The following RAD51B variants were observed in gnomAD, a reference collection of about 807,000 sequenced individuals.
RAD51B encodes the protein DNA repair protein RAD51 homolog 2.
A neutral mutation model predicts 42.2 loss-of-function variants in RAD51B; 38 were observed. The ratio of observed to expected loss-of-function variants is 0.90; its 90% CI spans 0.70 to 1.18. The LOEUF is 1.18. RAD51B is among the 50% of genes most tolerant of loss of function. The pLI, the probability that RAD51B is intolerant of heterozygous loss-of-function variation, is 0.00. For synonymous variants in RAD51B, 154 were observed against 145.2 expected, an observed-to-expected ratio of 1.06 and a Z score of -0.43; for missense variants, 373 against 400.7, an observed-to-expected ratio of 0.93 and a Z score of 0.59.
chr14:68,280,591 G>A (rs981868530), intron 7 of RAD51B, among the ~76,000 whole-genome samples: 1 of 152,224 alleles, frequency 6.6e-6, no homozygotes, highest in Admixed American at 6.5e-5. Flanking sequence ...CTGACACATA[G>A]GAAATGCTTA....
chr14:68,155,184 G>C (rs1391199099), intron 7 of RAD51B, among the ~76,000 whole-genome samples: 1 of 151,246 alleles, frequency 6.6e-6, no homozygotes. Flanking sequence ...TCATAGTATA[G>C]TATTATATTT....
chr14:68,158,297 G>C (rs2078560375), intron 7 of RAD51B, among the ~76,000 whole-genome samples: 1 of 152,164 alleles, frequency 6.6e-6, no homozygotes, highest in Non-Finnish European at 1.5e-5. Context: ...CCATGCCTGT[G>C]GCACTATGGA....
chr14:67,862,931 A>G (rs1282373903), intron 4 of RAD51B, among the ~76,000 whole-genome samples: 3 of 152,188 alleles, frequency 2.0e-5, no homozygotes, highest in East Asian at 3.9e-4. Flanking sequence ...TAGTATGTTC[A>G]TAATAAATAT....
At chr14:68,165,769 A>G (rs1264369557) in intron 7 of RAD51B, among the ~76,000 whole-genome samples, 1 of 152,096 alleles carries the variant, frequency 6.6e-6, no homozygotes, top group Admixed American at 6.5e-5. Flanking sequence ...ATTAAAAACA[A>G]CTCTCTTTAC....
At chr14:68,333,150 G>C (rs2082382124) in intron 8 of RAD51B, among the ~76,000 whole-genome samples, 1 of 152,120 alleles carries the variant, frequency 6.6e-6, no homozygotes, top group South Asian at 2.1e-4. Context: ...GTGTCCCCTT[G>C]ACCCAGTTGG....
chr14:68,310,420 G>A lies in RAD51B; in HGVS notation c.853+18440G>A, dbSNP rs1195032580. Among the ~76,000 whole-genome samples, 3 of 152,270 alleles carry A rather than the reference G, an allele frequency of 2.0e-5. No individual in the cohort carries two copies. The East Asian group carries it at 5.8e-4, about 29-fold the overall frequency. ...GTGCTTGTGTTTTTTACAAAACCATGAAGCCTGTAAACCACACGGTAGATA... is the reference window on the plus strand; with the variant it reads ...GTGCTTGTGTTTTTTACAAAACCATAAAGCCTGTAAACCACACGGTAGATA... On this transcript the variant is annotated intron_variant, in intron 8 of 10. Coordinates refer to ENST00000471583, the MANE Select transcript of RAD51B (RefSeq NM_133510.4).
At chr14:67,954,395 T>A (rs940278090) in intron 7 of RAD51B, among the ~76,000 whole-genome samples, 3 of 152,186 alleles carry the variant, frequency 2.0e-5, no homozygotes, top group Non-Finnish European at 4.4e-5. Flanking sequence ...TAGGTTTGGA[T>A]GCTGACTCTC....
chr14:68,364,376 A>G (rs2083096539), intron 8 of RAD51B, among the ~76,000 whole-genome samples: 1 of 152,160 alleles, frequency 6.6e-6, no homozygotes, highest in Admixed American at 6.5e-5. Flanking sequence ...GGATATCTAG[A>G]AAGACGCTTT....
At chr14:67,864,255 T>A (rs1426322821) in intron 4 of RAD51B, among the ~76,000 whole-genome samples, 1 of 152,210 alleles carries the variant, frequency 6.6e-6, no homozygotes, top group Non-Finnish European at 1.5e-5. Flanking sequence ...CACTTGAATA[T>A]GGATATAATT....
At chr14:68,274,281 A>G (rs1215703207) in intron 7 of RAD51B, among the ~76,000 whole-genome samples, 2 of 152,152 alleles carry the variant, frequency 1.3e-5, no homozygotes, top group Non-Finnish European at 2.9e-5. Context: ...TACTGTGACA[A>G]TGTAAGCATT....
At chr14:68,061,386 G>T (rs2076567046) in intron 7 of RAD51B, among the ~76,000 whole-genome samples, 1 of 152,008 alleles carries the variant, frequency 6.6e-6, no homozygotes, top group African/African-American at 2.4e-5. Flanking sequence ...ATCTTTTGGG[G>T]TTCTATACAA....
chr14:68,337,701 CTT>C (rs2082485823), intron 8 of RAD51B, among the ~76,000 whole-genome samples: 1 of 152,144 alleles, frequency 6.6e-6, no homozygotes, highest in Non-Finnish European at 1.5e-5. Context: ...TTTAAAACCT[CTT>C]CAGGACATTC....
chr14:67,832,957 A>G (rs1456969659), intron 3 of RAD51B, among the ~76,000 whole-genome samples: 2 of 152,250 alleles, frequency 1.3e-5, no homozygotes. Flanking sequence ...TAAAAAAACA[A>G]TTTTCCTTAT....
At chr14:68,582,647 T>C (rs750554570) in intron 10 of RAD51B, among the ~76,000 whole-genome samples, 75 of 152,202 alleles carry the variant, frequency 4.9e-4, no homozygotes, top group Non-Finnish European at 9.4e-4. Flanking sequence ...GCAATCCCAT[T>C]ACTGGGTATA....
chr14:68,526,135 G>T (rs1434023414), intron 10 of RAD51B, among the ~76,000 whole-genome samples: 1 of 152,228 alleles, frequency 6.6e-6, no homozygotes, highest in Non-Finnish European at 1.5e-5. Flanking sequence ...AACTGTCTGG[G>T]TCATGTTCAG....
At chr14:68,425,402 G>A (rs1195005820) in intron 9 of RAD51B, among the ~76,000 whole-genome samples, 1 of 152,196 alleles carries the variant, frequency 6.6e-6, no homozygotes, top group Non-Finnish European at 1.5e-5. Flanking sequence ...AGCCCATGAG[G>A]GCCCTGCCCT....
intron 1 of RAD51B, among the ~76,000 whole-genome samples, chr14:67,820,205 C>G (rs893360359): frequency 1.3e-5 from 2 of 152,182 alleles, no homozygotes; most frequent in African/African-American, 4.8e-5. Flanking sequence ...TCTCCCACTT[C>G]AGGTGGTGTT....
intron 8 of RAD51B, among the ~76,000 whole-genome samples, chr14:68,391,158 C>CTTTCTTTCTTTA (rs1555402767): frequency 2.6e-5 from 4 of 151,330 alleles, no homozygotes; most frequent in African/African-American, 7.3e-5. Context: ...TTCTTTCTTT[C>CTTTCTTTCTTTA]TTTCTTTCTT....
chr14:68,653,311 A>G (rs1041542667), intron 11 of RAD51B, among the ~76,000 whole-genome samples: 1 of 152,178 alleles, frequency 6.6e-6, no homozygotes, highest in Admixed American at 6.5e-5. Flanking sequence ...TATGAGCATG[A>G]CTGGGAATAG....
Sources: gnomAD v4.1 joint callset for allele counts (sites outside exome capture counted in the v4.1 genomes callset) on GRCh38, gnomAD v4.1.1 for gene constraint, MANE v1.5 for transcripts, NCBI Gene and HGNC (gene_info 2026-07-23, HGNC 2026-07-21) for gene names.